Variants in QTMAN observed in about 807,000 individuals in gnomAD.
QTMAN encodes the protein queuosine-tRNA mannosyltransferase.
chr2:144,153,010 C>T, the QTMAN span, among the ~76,000 whole-genome samples: 3 of 152,080 alleles, frequency 2.0e-5, no homozygotes, highest in Non-Finnish European at 4.4e-5. Context: ...TCAGAATTAT[C>T]AGGGGTGGCA....
chr2:144,084,225 T>C, the QTMAN span, among the ~76,000 whole-genome samples: 3 of 152,212 alleles, frequency 2.0e-5, no homozygotes. Flanking sequence ...GGCAACCAGC[T>C]GGTATATCCA....
the QTMAN span, among the ~76,000 whole-genome samples, chr2:143,964,729 T>C: frequency 2.6e-5 from 4 of 152,098 alleles, no homozygotes; most frequent in African/African-American, 9.7e-5. Flanking sequence ...TATGCCAAGA[T>C]CATAGTAATA....
At chr2:144,145,702 G>A in the QTMAN span, 1 of 1,611,446 alleles carries the variant, frequency 6.2e-7, no homozygotes, top group Non-Finnish European at 8.5e-7. Context: ...AGGGCAGCCA[G>A]TTCGGTCAGG....
chr2:144,087,325 C>A, the QTMAN span, among the ~76,000 whole-genome samples: 1 of 152,178 alleles, frequency 6.6e-6, no homozygotes, highest in East Asian at 1.9e-4. Context: ...TAAAAACATT[C>A]CCACAAATAA....
chr2:144,277,077 G>A, the QTMAN span, among the ~76,000 whole-genome samples: 1 of 152,148 alleles, frequency 6.6e-6, no homozygotes, highest in Non-Finnish European at 1.5e-5. Flanking sequence ...AAGTAAGGCA[G>A]ACAATAGGTG....
the QTMAN span, among the ~76,000 whole-genome samples, chr2:144,211,842 T>C: frequency 6.6e-6 from 1 of 152,140 alleles, no homozygotes; most frequent in African/African-American, 2.4e-5. Context: ...TCAGCAATAG[T>C]CAAAGAAAGC....
chr2:144,199,151 G>T, the QTMAN span, among the ~76,000 whole-genome samples: 3 of 151,352 alleles, frequency 2.0e-5, no homozygotes, highest in Non-Finnish European at 4.4e-5. Context: ...AGGTTCAAAC[G>T]ATTCTCCTAT....
chr2:143,971,324 A>G, the QTMAN span, among the ~76,000 whole-genome samples: 1 of 152,128 alleles, frequency 6.6e-6, no homozygotes, highest in Non-Finnish European at 1.5e-5. Context: ...AATTGAATGG[A>G]GAATTATAAA....
chr2:144,167,929 C>T, the QTMAN span, among the ~76,000 whole-genome samples: 1 of 152,072 alleles, frequency 6.6e-6, no homozygotes, highest in African/African-American at 2.4e-5. Flanking sequence ...TACCCTCCAA[C>T]CCTGGATTTT....
At chr2:144,136,127 A>G in the QTMAN span, among the ~76,000 whole-genome samples, 2 of 151,862 alleles carry the variant, frequency 1.3e-5, no homozygotes, top group Non-Finnish European at 2.9e-5. Context: ...GGAGTTGGAA[A>G]CCAGCCTGGG....
At chr2:144,286,496 T>A in the QTMAN span, among the ~76,000 whole-genome samples, 1 of 152,236 alleles carries the variant, frequency 6.6e-6, no homozygotes, top group Admixed American at 6.5e-5. Context: ...TTAAGCATTC[T>A]GAGCTACTTC....
At chr2:144,073,824 C>T in the QTMAN span, among the ~76,000 whole-genome samples, 1 of 152,214 alleles carries the variant, frequency 6.6e-6, no homozygotes, top group South Asian at 2.1e-4. Flanking sequence ...AATTCCACAA[C>T]TCAGTTGTGT....
At chr2:144,217,830 CAGTCTAGCTCAAAAATTT>C in the QTMAN span, among the ~76,000 whole-genome samples, 7 of 152,176 alleles carry the variant, frequency 4.6e-5, no homozygotes, top group African/African-American at 9.7e-5. Context: ...TAGCCGCATT[CAGTCTAGCTCAAAAATTT>C]ACTACTGTTA....
At chr2:144,146,751 C>A in the QTMAN span, among the ~76,000 whole-genome samples, 2 of 151,836 alleles carry the variant, frequency 1.3e-5, no homozygotes, top group African/African-American at 2.4e-5. Context: ...TTAGATGACA[C>A]AATTTTGATA....
At chr2:144,179,080 G>C in the QTMAN span, 1 of 361,290 alleles carries the variant, frequency 2.8e-6, no homozygotes, top group East Asian at 9.0e-5. Flanking sequence ...CTTACATATA[G>C]TCAAGTCTTT....
chr2:144,104,624 T>A, the QTMAN span, among the ~76,000 whole-genome samples: 1 of 152,036 alleles, frequency 6.6e-6, no homozygotes, highest in African/African-American at 2.4e-5. Flanking sequence ...TCGAACTGGG[T>A]GGAGCCCAAG....
At chr2:144,327,489 C>A in the QTMAN span, among the ~76,000 whole-genome samples, 1 of 152,178 alleles carries the variant, frequency 6.6e-6, no homozygotes, top group Admixed American at 6.5e-5. Context: ...TGGGAGACAT[C>A]CTTAAGTGTC....
chr2:144,101,026 CGCTG>C, the QTMAN span, among the ~76,000 whole-genome samples: 1 of 151,848 alleles, frequency 6.6e-6, no homozygotes, highest in African/African-American at 2.4e-5. Flanking sequence ...CCTGCCACCA[CGCTG>C]GCTAATTTTT....
chr2:144,015,266 ACT>A, the QTMAN span, among the ~76,000 whole-genome samples: 9 of 151,448 alleles, frequency 5.9e-5, no homozygotes, highest in Non-Finnish European at 7.4e-5. Context: ...CAACAACAAA[ACT>A]CTCTCGTTTA....
Sources: allele counts gnomAD v4.1 joint callset (sites outside exome capture counted in the v4.1 genomes callset), GRCh38; gene constraint gnomAD v4.1.1; transcripts MANE v1.5; gene names NCBI Gene and HGNC (gene_info 2026-07-23, HGNC 2026-07-21).